The following FGD4 variants were observed in gnomAD, a reference collection of about 807,000 sequenced individuals.
FGD4 encodes the protein FYVE, RhoGEF and PH domain-containing protein 4.
Under a neutral mutation model 102.0 loss-of-function variants are expected in FGD4, and 42 were observed. The observed-to-expected ratio is 0.41, with a 90% CI of 0.32 to 0.53. FGD4 has a LOEUF of 0.53. FGD4 is among the 20% of genes least tolerant of loss of function. The pLI is 0.21. For synonymous variants in FGD4, 380 were observed against 375.7 expected, an observed-to-expected ratio of 1.01 and a Z score of -0.13; for missense variants, 902 against 1,078.2, an observed-to-expected ratio of 0.84 and a Z score of 2.29.
Position 32,582,017 on chromosome 12 carries a change from T to C in FGD4, c.561T>C (p.Pro187=). 1 of 1,614,202 alleles carries C rather than the reference T, an allele frequency of 6.2e-7. No individual in the cohort carries two copies. The highest frequency in any genetic ancestry group is 8.5e-7 in the Non-Finnish European group (1 of 1,180,024). Residue 187 remains proline, a synonymous_variant, in exon 4 of 17, where the codon CCT becomes CCC. Transcript: ENST00000534526. ...KKESAVNLNA[P]RTPGRHGLTT... ...AGTCTGCTGTGAACCTAAATGCTCC[T>C]AGAACCCCAGGAAGGCATGGATTGA... is the stretch of plus-strand genomic sequence containing the variant.
intron 4 of FGD4, among the ~76,000 whole-genome samples, chr12:32,591,601 C>A (rs1045190899): frequency 1.1e-4 from 17 of 152,206 alleles, no homozygotes; most frequent in African/African-American, 3.9e-4. Context: ...AAGAATGAAT[C>A]GCTGATGCCA....
chr12:32,485,741 A>T, intron 1 of FGD4: 2 of 684,132 alleles, frequency 2.9e-6, no homozygotes, highest in Non-Finnish European at 3.6e-6. Context: ...ACTGCGCCTG[A>T]CCAAGACCTA....
At chr12:32,430,587 A>G (rs754469488) in intron 1 of FGD4, among the ~76,000 whole-genome samples, 10 of 151,910 alleles carry the variant, frequency 6.6e-5, no homozygotes, top group Non-Finnish European at 8.8e-5. Flanking sequence ...CTTTTACTCT[A>G]TTTAAAAAAA....
intron 2 of FGD4, among the ~76,000 whole-genome samples, chr12:32,572,523 G>A (rs987328649): frequency 3.2e-4 from 49 of 152,268 alleles, no homozygotes; most frequent in African/African-American, 1.1e-3. Flanking sequence ...GAAATACCAA[G>A]AAGAGGAGGA....
At chr12:32,485,864 A>G in intron 1 of FGD4, 1 of 1,236,778 alleles carries the variant, frequency 8.1e-7, no homozygotes. Flanking sequence ...CTCTCAGTAC[A>G]TTTTGAAACA....
intron 1 of FGD4, among the ~76,000 whole-genome samples, chr12:32,513,119 T>C (rs1199957121): frequency 6.6e-6 from 1 of 152,182 alleles, no homozygotes; most frequent in Non-Finnish European, 1.5e-5. Context: ...CAAAGGTACA[T>C]GCAAAGTGCT....
intron 1 of FGD4, among the ~76,000 whole-genome samples, chr12:32,405,174 C>T (rs1169685483): frequency 6.6e-6 from 1 of 151,878 alleles, no homozygotes. Flanking sequence ...ACCTTGTGAT[C>T]CACCCGCCTC....
intron 1 of FGD4, among the ~76,000 whole-genome samples, chr12:32,465,126 G>A (rs1051501092): frequency 6.6e-6 from 1 of 152,128 alleles, no homozygotes; most frequent in African/African-American, 2.4e-5. Context: ...CAGCTTTGGG[G>A]TTGGGGCAGT....
intron 2 of FGD4, among the ~76,000 whole-genome samples, chr12:32,566,762 G>C (rs1302715843): frequency 6.6e-6 from 1 of 152,100 alleles, no homozygotes; most frequent in Admixed American, 6.6e-5. Context: ...AGAAGAGAAG[G>C]GGGTGTTAAT....
At chr12:32,501,941 A>C in intron 1 of FGD4, 9 of 704,456 alleles carry the variant, frequency 1.3e-5, no homozygotes, top group Non-Finnish European at 1.6e-5. Flanking sequence ...GAAAGCTTTT[A>C]GTTGGGCTGC....
At chr12:32,453,225 AGATATATATATAT>A (rs1565749179) in intron 1 of FGD4, among the ~76,000 whole-genome samples, 7,765 of 74,548 alleles carry the variant, frequency 0.1, 351 homozygotes, top group Admixed American at 0.14. Flanking sequence ...TATATAATAT[AGATATATATATAT>A]TTTTTTTTTT....
At chr12:32,534,433 A>T (rs1184105362) in intron 1 of FGD4, 1 of 1,526,238 alleles carries the variant, frequency 6.6e-7, no homozygotes, top group South Asian at 1.2e-5. Flanking sequence ...GTAAAGCCAA[A>T]TATCTTTTTA....
chr12:32,587,695 A>G (rs1469790432), intron 4 of FGD4, among the ~76,000 whole-genome samples: 1 of 152,098 alleles, frequency 6.6e-6, no homozygotes, highest in African/African-American at 2.4e-5. Flanking sequence ...CAGACACATC[A>G]CTTTAACAAA....
intron 1 of FGD4, among the ~76,000 whole-genome samples, chr12:32,525,990 C>T (rs186458669): frequency 5.2e-5 from 8 of 152,388 alleles, no homozygotes; most frequent in African/African-American, 1.4e-4. Flanking sequence ...CCCGAGCCTC[C>T]GACGAGCACC....
At chr12:32,563,317 C>A (rs1466423125) in intron 1 of FGD4, among the ~76,000 whole-genome samples, 3 of 151,090 alleles carry the variant, frequency 2.0e-5, no homozygotes, top group African/African-American at 2.4e-5. Flanking sequence ...CCTCACCTCC[C>A]AGACGGGGTC....
chr12:32,632,888 G>C (rs907758133), intron 14 of FGD4, among the ~76,000 whole-genome samples: 3 of 151,622 alleles, frequency 2.0e-5, no homozygotes, highest in Non-Finnish European at 4.4e-5. Flanking sequence ...TTTTAAGAGG[G>C]TGTCACTCCA....
intron 4 of FGD4, among the ~76,000 whole-genome samples, chr12:32,583,837 T>A (rs117797132): frequency 6.6e-6 from 1 of 152,362 alleles, no homozygotes; most frequent in Non-Finnish European, 1.5e-5. Flanking sequence ...ATGATAGATT[T>A]TTAGTTTATT....
chr12:32,549,849 T>C (rs532798262), intron 1 of FGD4, among the ~76,000 whole-genome samples: 1 of 152,306 alleles, frequency 6.6e-6, no homozygotes, highest in Admixed American at 6.5e-5. Context: ...ACACTAGCAA[T>C]GTTGCGAAGT....
intron 10 of FGD4, among the ~76,000 whole-genome samples, chr12:32,617,850 A>G (rs1949541140): frequency 6.6e-6 from 1 of 152,244 alleles, no homozygotes; most frequent in Admixed American, 6.5e-5. Flanking sequence ...TCTTCTTTGT[A>G]AGCAATGTTT....
Sources: allele counts gnomAD v4.1 joint callset (sites outside exome capture counted in the v4.1 genomes callset), GRCh38; gene constraint gnomAD v4.1.1; transcripts MANE v1.5; gene names NCBI Gene and HGNC (gene_info 2026-07-23, HGNC 2026-07-21).